Variants in MACROD2 observed in about 807,000 individuals in gnomAD.
The protein encoded by MACROD2 is ADP-ribose glycohydrolase MACROD2.
In MACROD2, 36 loss-of-function variants were observed where a neutral mutation model predicts 70.4. The ratio of observed to expected loss-of-function variants is 0.51; its 90% CI spans 0.39 to 0.68. The LOEUF is 0.68. Among genes scored for constraint, MACROD2 ranks in the 30% least tolerant of loss-of-function variants. MACROD2 has a pLI of 0.00. For missense variants in MACROD2, 496 were observed against 538.4 expected (o/e 0.92, Z 0.78); for synonymous variants, 172 against 178.8 (o/e 0.96, Z 0.30).
chr20:14,801,894 C>T (rs368857636), intron 5 of MACROD2, among the ~76,000 whole-genome samples: 2 of 151,994 alleles, frequency 1.3e-5, no homozygotes, highest in African/African-American at 2.4e-5. Flanking sequence ...TGATTGTTTT[C>T]GTTTTGACTT....
intron 3 of MACROD2, among the ~76,000 whole-genome samples, chr20:14,339,923 A>C (rs906347143): frequency 2.0e-5 from 3 of 152,162 alleles, no homozygotes; most frequent in Non-Finnish European, 4.4e-5. Context: ...TGCTGCATAC[A>C]TAGTTTTTCA....
intron 5 of MACROD2, among the ~76,000 whole-genome samples, chr20:14,891,546 T>C (rs2073760362): frequency 6.6e-6 from 1 of 152,178 alleles, no homozygotes; most frequent in African/African-American, 2.4e-5. Flanking sequence ...CCATGTCTTG[T>C]ACATAGTCGG....
intron 8 of MACROD2, among the ~76,000 whole-genome samples, chr20:15,709,096 T>G (rs1047534934): frequency 2.7e-5 from 4 of 147,996 alleles, no homozygotes; most frequent in Non-Finnish European, 3.0e-5. Context: ...TATTACAGGG[T>G]TCTTTGATGG....
chr20:14,914,891 C>A (rs1322801518), intron 5 of MACROD2, among the ~76,000 whole-genome samples: 2 of 152,104 alleles, frequency 1.3e-5, no homozygotes, highest in Non-Finnish European at 2.9e-5. Context: ...ATAATGGTTT[C>A]CTTTTCCAAT....
intron 6 of MACROD2, among the ~76,000 whole-genome samples, chr20:15,275,768 T>C (rs2077385425): frequency 6.6e-6 from 1 of 152,210 alleles, no homozygotes; most frequent in African/African-American, 2.4e-5. Flanking sequence ...GTGTTAGACC[T>C]GGAGACTCAG....
At chr20:14,054,149 T>C (rs2053605974) in intron 2 of MACROD2, among the ~76,000 whole-genome samples, 2 of 151,546 alleles carry the variant, frequency 1.3e-5, no homozygotes, top group African/African-American at 4.8e-5. Context: ...CCCCACCACA[T>C]TGAGTGGGGA....
At chr20:14,827,035 G>A (rs142233618) in intron 5 of MACROD2, among the ~76,000 whole-genome samples, 2 of 152,166 alleles carry the variant, frequency 1.3e-5, no homozygotes, top group Non-Finnish European at 2.9e-5. Context: ...CACGCAGAGT[G>A]CACATCCATC....
intron 3 of MACROD2, among the ~76,000 whole-genome samples, chr20:14,403,437 A>T (rs1568596894): frequency 6.6e-6 from 1 of 152,132 alleles, no homozygotes; most frequent in Admixed American, 6.5e-5. Flanking sequence ...TATTTTTTTT[A>T]AAAAGCCCAA....
chr20:14,940,323 C>T (rs981010681), intron 5 of MACROD2, among the ~76,000 whole-genome samples: 1 of 152,072 alleles, frequency 6.6e-6, no homozygotes, highest in African/African-American at 2.4e-5. Context: ...AACAGAGTGA[C>T]ACCCTGTCTC....
At chr20:15,244,270 G>A (rs990559087) in intron 6 of MACROD2, among the ~76,000 whole-genome samples, 7 of 152,148 alleles carry the variant, frequency 4.6e-5, no homozygotes, top group South Asian at 2.1e-4. Context: ...AGGGCTTGAT[G>A]TACTATTTTG....
At position 14,326,003 on chromosome 20, in the gene MACROD2, C is replaced by A; in HGVS notation, c.272-167476C>A. 6.2e-7 allele frequency: 1 copy of A among 1,613,882 alleles called. No individual in the cohort carries two copies. The highest frequency in any genetic ancestry group is 8.5e-7 in the Non-Finnish European group (1 of 1,179,866). On this transcript the variant is annotated intron_variant, in intron 3 of 17. Coordinates refer to ENST00000684519, the MANE Select transcript of MACROD2 (RefSeq NM_001351661.2). This position sits in a 1 kb window ranked among gnomAD's most constrained non-coding sequence, Gnocchi z 5.5. Reference sequence around the variant, plus strand: ...GTAGGGTTGTACATTCGAAGGGGTGCAGTTTCAGTCTCAATACAAACAGGA... The same window carrying A: ...GTAGGGTTGTACATTCGAAGGGGTGAAGTTTCAGTCTCAATACAAACAGGA...
At chr20:14,782,506 A>T (rs2072314216) in intron 5 of MACROD2, among the ~76,000 whole-genome samples, 1 of 152,080 alleles carries the variant, frequency 6.6e-6, no homozygotes, top group African/African-American at 2.4e-5. Context: ...GATTCCTCAA[A>T]TGCTTACGAG....
intron 6 of MACROD2, among the ~76,000 whole-genome samples, chr20:15,248,038 G>A (rs1432463798): frequency 6.6e-6 from 1 of 152,128 alleles, no homozygotes; most frequent in African/African-American, 2.4e-5. Context: ...GGAATTCTAA[G>A]CAAAGTCAGC....
intron 7 of MACROD2, among the ~76,000 whole-genome samples, chr20:15,458,117 G>C (rs1055321532): frequency 1.3e-5 from 2 of 152,006 alleles, no homozygotes; most frequent in Non-Finnish European, 2.9e-5. Context: ...GGAACTTTGG[G>C]CTATAAATAT....
At chr20:15,592,952 G>C (rs1342045343) in intron 8 of MACROD2, among the ~76,000 whole-genome samples, 1 of 152,148 alleles carries the variant, frequency 6.6e-6, no homozygotes, top group Non-Finnish European at 1.5e-5. Context: ...CGGTAGTTCA[G>C]AAGGAACCCT....
chr20:14,354,206 C>T (rs2083151340), intron 3 of MACROD2, among the ~76,000 whole-genome samples: 1 of 152,026 alleles, frequency 6.6e-6, no homozygotes, highest in African/African-American at 2.4e-5. Flanking sequence ...ATGTTCTTTG[C>T]CTGATATTCT....
intron 3 of MACROD2, among the ~76,000 whole-genome samples, chr20:14,092,428 A>G (rs2054163124): frequency 6.6e-6 from 1 of 152,202 alleles, no homozygotes; most frequent in South Asian, 2.1e-4. Flanking sequence ...ATACTGAAAT[A>G]TACTACAGCC....
rs763718362 is a variant in MACROD2 at position 15,349,768 on chromosome 20, A to AAAC, written c.541-81636_541-81635insACA. Among the ~76,000 whole-genome samples, 16 of 151,664 alleles carry AAAC rather than the reference A, an allele frequency of 1.1e-4. 1 individual carries two copies. The highest frequency in any genetic ancestry group is 2.6e-4 in the Admixed American group (4 of 15,222). On this transcript the variant is annotated intron_variant, in intron 6 of 17. Coordinates refer to ENST00000684519, the MANE Select transcript of MACROD2 (RefSeq NM_001351661.2). The stretch of plus-strand genomic sequence containing the variant: ...AAAACTCAGTCTCAAAAAAAAAAAA[A>AAAC]ACACACCACGAAAAATTATGGTGAA...
chr20:14,133,441 G>A (rs917221536), intron 3 of MACROD2, among the ~76,000 whole-genome samples: 1 of 152,160 alleles, frequency 6.6e-6, no homozygotes, highest in Non-Finnish European at 1.5e-5. Context: ...GGGACATAGA[G>A]GTAAAGTAGG....
Sources: allele counts gnomAD v4.1 joint callset (sites outside exome capture counted in the v4.1 genomes callset), GRCh38; gene constraint gnomAD v4.1.1; non-coding constraint Gnocchi (gnomAD v3.1); transcripts MANE v1.5; gene names NCBI Gene and HGNC (gene_info 2026-07-23, HGNC 2026-07-21).